Variants in UGT8 observed in about 807,000 individuals in gnomAD.
UGT8 encodes the protein 2-hydroxyacylsphingosine 1-beta-galactosyltransferase.
UGT8 carries 12 observed loss-of-function variants against 40.5 expected under a neutral mutation model. The observed-to-expected ratio is 0.30, with a 90% confidence interval of 0.19 to 0.48. The LOEUF is 0.48. Among genes scored for constraint, UGT8 ranks in the 20% least tolerant of loss-of-function variants. The pLI, the probability that UGT8 is intolerant of heterozygous loss-of-function variation, is 0.99. For synonymous variants in UGT8, 224 were observed against 240.4 expected, an observed-to-expected ratio of 0.93 and a Z score of 0.63; for missense variants, 513 against 648.7, an observed-to-expected ratio of 0.79 and a Z score of 2.27.
chr4:114,629,980 A>G (rs753214054), intron 2 of UGT8, among the ~76,000 whole-genome samples: 9 of 152,204 alleles, frequency 5.9e-5, no homozygotes, highest in Non-Finnish European at 1.2e-4. Flanking sequence ...AGAAATGACA[A>G]ATTTCTCAAT....
intron 2 of UGT8, among the ~76,000 whole-genome samples, chr4:114,630,688 C>T (rs576376326): frequency 1.6e-3 from 240 of 151,560 alleles, no homozygotes; most frequent in Non-Finnish European, 2.6e-3. Flanking sequence ...AGTAGAAGGA[C>T]GATGACAATT....
intron 1 of UGT8, among the ~76,000 whole-genome samples, chr4:114,603,878 A>G (rs968532958): frequency 1.3e-5 from 2 of 152,206 alleles, no homozygotes; most frequent in African/African-American, 4.8e-5. Context: ...GTCCGTAGTC[A>G]TTTTTGCTTT....
chr4:114,647,750 A>G (rs1413279118), intron 2 of UGT8, among the ~76,000 whole-genome samples: 2 of 152,116 alleles, frequency 1.3e-5, no homozygotes, highest in African/African-American at 4.8e-5. Flanking sequence ...CAAGGAGGCT[A>G]AGTGACTCTA....
intron 4 of UGT8, 106 bp from the exon 5 acceptor site, chr4:114,667,979 C>T (rs965255403): frequency 4.1e-6 from 6 of 1,476,296 alleles, no homozygotes; most frequent in Non-Finnish European, 4.5e-6. Context: ...AATCCTTTAT[C>T]TGAAATGCAT....
At chr4:114,667,048 GT>G (rs1255671948) in intron 4 of UGT8, among the ~76,000 whole-genome samples, 1 of 152,044 alleles carries the variant, frequency 6.6e-6, no homozygotes, top group Non-Finnish European at 1.5e-5. Flanking sequence ...AAAGAGAGGG[GT>G]TTTTGCTAAA....
intron 2 of UGT8, among the ~76,000 whole-genome samples, chr4:114,633,222 G>T (rs1428103341): frequency 2.0e-5 from 3 of 152,146 alleles, no homozygotes; most frequent in Non-Finnish European, 4.4e-5. Flanking sequence ...GCAGTTCATG[G>T]TTTTTTTGTT....
chr4:114,654,725 G>A lies in UGT8; in HGVS notation c.823-9270G>A, dbSNP rs544089297. Among the ~76,000 whole-genome samples, 11 of 152,218 alleles carry A rather than the reference G, an allele frequency of 7.2e-5. No individual in the cohort carries two copies. In the East Asian group the frequency reaches 2.1e-3, roughly 29 times the overall value. Reference sequence around the variant, plus strand: ...TTTTGCAAGAGAGAGAGAAGTAGGTGTCAAGTGTATCTTTTGTTATCTAAC... The same window carrying A: ...TTTTGCAAGAGAGAGAGAAGTAGGTATCAAGTGTATCTTTTGTTATCTAAC... On this transcript the variant is annotated intron_variant, in intron 2 of 5. Transcript: ENST00000310836.
intron 2 of UGT8, among the ~76,000 whole-genome samples, chr4:114,638,281 A>G (rs535950987): frequency 1.2e-4 from 19 of 152,258 alleles, no homozygotes; most frequent in Middle Eastern, 3.4e-3. Flanking sequence ...TAGAAGTGCT[A>G]TGAAGGAAAG....
chr4:114,669,126 G>GA (rs544942338), intron 5 of UGT8, among the ~76,000 whole-genome samples: 103 of 152,180 alleles, frequency 6.8e-4, no homozygotes, highest in Non-Finnish European at 1.3e-3. Context: ...CCAATAATAA[G>GA]AAAAATTATT....
intron 2 of UGT8, among the ~76,000 whole-genome samples, chr4:114,663,463 T>G (rs1734674449): frequency 6.6e-6 from 1 of 152,110 alleles, no homozygotes; most frequent in Admixed American, 6.5e-5. Flanking sequence ...GGCAAAGATT[T>G]ATTCAAAAGG....
chr4:114,623,776 T>C, intron 2 of UGT8, 74 bp downstream of exon 2: 1 of 1,473,002 alleles, frequency 6.8e-7, no homozygotes, highest in East Asian at 2.4e-5. Context: ...AGAGATATGA[T>C]TTGTTATTTA....
chr4:114,659,313 T>C (rs1039472129), intron 2 of UGT8, among the ~76,000 whole-genome samples: 2 of 152,236 alleles, frequency 1.3e-5, no homozygotes, highest in African/African-American at 4.8e-5. Flanking sequence ...GGTTGTCTTT[T>C]CAAAAGACAT....
intron 2 of UGT8, among the ~76,000 whole-genome samples, chr4:114,648,533 C>T (rs1009089984): frequency 5.3e-5 from 8 of 151,910 alleles, no homozygotes; most frequent in Non-Finnish European, 1.0e-4. Context: ...TCAATTTTGT[C>T]ATGGATTATA....
At chr4:114,637,570 T>C (rs1732962359) in intron 2 of UGT8, among the ~76,000 whole-genome samples, 1 of 152,146 alleles carries the variant, frequency 6.6e-6, no homozygotes, top group South Asian at 2.1e-4. Flanking sequence ...AGACTTTTTC[T>C]GGAGGTCTCA....
chr4:114,676,308 G>A lies in UGT8; in HGVS notation c.*20G>A, dbSNP rs372484108. ...AAATGAGCCAACAGCCCAGGTGATA[G>A]AAATAAATTGGTTCACTCATTGAAT... On this transcript the variant is annotated 3_prime_UTR_variant, in exon 6 of 6. Coordinates refer to ENST00000310836, the MANE Select transcript of UGT8 (RefSeq NM_001128174.3). 1 of 1,535,814 alleles carries A rather than the reference G, an allele frequency of 6.5e-7. No individual in the cohort carries two copies.
At chr4:114,651,190 C>G (rs967690979) in intron 2 of UGT8, among the ~76,000 whole-genome samples, 1 of 151,962 alleles carries the variant, frequency 6.6e-6, no homozygotes, top group Admixed American at 6.6e-5. Context: ...AAAATTACTT[C>G]CTCATTTTTT....
intron 1 of UGT8, among the ~76,000 whole-genome samples, chr4:114,619,748 A>G (rs1050226513): frequency 1.3e-5 from 2 of 151,944 alleles, no homozygotes; most frequent in Admixed American, 6.6e-5. Flanking sequence ...CAAGATTTGC[A>G]GATGGTAATA....
chr4:114,604,134 C>G (rs895779873), intron 1 of UGT8, among the ~76,000 whole-genome samples: 16 of 152,196 alleles, frequency 1.1e-4, no homozygotes, highest in African/African-American at 3.6e-4. Flanking sequence ...TCAGGAGGGT[C>G]TGGTGGCATA....
chr4:114,668,132 AT>A lies in UGT8; in HGVS notation c.1095del (p.Phe365LeufsTer10), dbSNP rs1372311153. The A allele has an allele frequency of 6.2e-7, 1 of 1,613,788 alleles. No homozygotes were observed. The highest frequency in any genetic ancestry group is 1.1e-5 in the South Asian group (1 of 91,078). On this transcript the variant is annotated frameshift_variant, in exon 5 of 6. Coordinates refer to ENST00000310836, the MANE Select transcript of UGT8 (RefSeq NM_001128174.3). LOFTEE classifies it high-confidence loss of function. ...AFLSHGGLNS[I>X]FETIYHGVPV... ...CCTGAGCCATGGTGGTTTGAACAGT[AT>A]TTTTGAAACTATATATCATGGTGTG... is the stretch of plus-strand genomic sequence containing the variant.
Sources: gnomAD v4.1 joint callset for allele counts (sites outside exome capture counted in the v4.1 genomes callset) on GRCh38, gnomAD v4.1.1 for gene constraint, MANE v1.5 for transcripts, NCBI Gene and HGNC (gene_info 2026-07-23, HGNC 2026-07-21) for gene names.